Variants in ZBBX observed in about 807,000 individuals in gnomAD.
ZBBX encodes zinc finger B-box domain containing.
Under a neutral mutation model 108.5 loss-of-function variants are expected in ZBBX, and 101 were observed. The observed-to-expected ratio is 0.93, with a 90% CI of 0.79 to 1.10. The LOEUF (loss-of-function observed/expected upper bound fraction) is 1.10, where lower values mean the gene tolerates loss of function less well. ZBBX is among the 50% of genes least tolerant of loss of function. The pLI is 0.00. For missense variants in ZBBX, 1,009 were observed against 941.4 expected, an observed-to-expected ratio of 1.07 and a Z score of -0.94; for synonymous variants, 356 against 323.4, an observed-to-expected ratio of 1.10 and a Z score of -1.08.
intron 1 of ZBBX, chr3:167,401,258 T>C (rs1302402674): frequency 2.0e-5 from 3 of 152,148 alleles, no homozygotes; most frequent in South Asian, 2.1e-4. Context: ...GAAATGAGTA[T>C]CAAAAAACGT....
At chr3:167,290,084 A>G (rs1004280271) in intron 18 of ZBBX, among the ~76,000 whole-genome samples, 1 of 152,188 alleles carries the variant, frequency 6.6e-6, no homozygotes, top group Non-Finnish European at 1.5e-5. Flanking sequence ...AGACTTATAG[A>G]TAAAACCTCT....
intron 8 of ZBBX, among the ~76,000 whole-genome samples, chr3:167,351,918 G>A (rs1742724624): frequency 6.6e-6 from 1 of 152,122 alleles, no homozygotes; most frequent in Non-Finnish European, 1.5e-5. Flanking sequence ...TTCCATTAGA[G>A]AATGTTCTGC....
chr3:167,201,803 T>C, the ZBBX span, among the ~76,000 whole-genome samples: 2 of 152,130 alleles, frequency 1.3e-5, no homozygotes, highest in African/African-American at 4.8e-5. Flanking sequence ...TGTGAACGTA[T>C]ACAGATACAT....
At chr3:167,188,493 G>A in the ZBBX span, among the ~76,000 whole-genome samples, 1 of 151,686 alleles carries the variant, frequency 6.6e-6, no homozygotes, top group African/African-American at 2.4e-5. Context: ...AATCTTAAAG[G>A]ATAAATAAAT....
the ZBBX span, among the ~76,000 whole-genome samples, chr3:167,202,494 G>T: frequency 1.5e-5 from 2 of 135,156 alleles, no homozygotes; most frequent in Non-Finnish European, 3.2e-5. Flanking sequence ...AAAGCTATTA[G>T]ATTTAAAGAA....
At chr3:167,320,204 GAGTTCCAGAAA>G (rs930916958) in intron 12 of ZBBX, among the ~76,000 whole-genome samples, 1 of 134,842 alleles carries the variant, frequency 7.4e-6, no homozygotes, top group African/African-American at 2.8e-5. Context: ...AATGCATCTT[GAGTTCCAGAAA>G]AAAAAGAGAT....
chr3:167,393,360 T>G (rs1258395892), intron 1 of ZBBX, among the ~76,000 whole-genome samples: 5 of 151,920 alleles, frequency 3.3e-5, no homozygotes, highest in African/African-American at 1.2e-4. Context: ...CTTAACCAAT[T>G]CATGAGGCAT....
At chr3:167,405,679 T>C (rs971563291) in intron 1 of ZBBX, among the ~76,000 whole-genome samples, 15 of 152,250 alleles carry the variant, frequency 9.9e-5, no homozygotes, top group African/African-American at 3.6e-4. Flanking sequence ...CTGAAATTAG[T>C]AATTGAAGAA....
At chr3:167,322,308 T>C in intron 11 of ZBBX, 71 bp from the exon 12 acceptor site, 1 of 1,275,644 alleles carries the variant, frequency 7.8e-7, no homozygotes, top group African/African-American at 1.5e-5. Flanking sequence ...TCTCTTAAGA[T>C]GTAGAACTCA....
At chr3:167,288,461 A>AGAGCC (rs1442549965) in intron 19 of ZBBX, among the ~76,000 whole-genome samples, 6 of 152,200 alleles carry the variant, frequency 3.9e-5, no homozygotes, top group Non-Finnish European at 8.8e-5. Context: ...AACCTAAGTC[A>AGAGCC]ATCATTTCAC....
At chr3:167,274,307 C>T (rs1727085070) in intron 20 of ZBBX, among the ~76,000 whole-genome samples, 1 of 152,122 alleles carries the variant, frequency 6.6e-6, no homozygotes, top group African/African-American at 2.4e-5. Context: ...GATAGGTGTG[C>T]TTATTCTTGT....
In ZBBX at chr3:167,317,014, T is replaced by C; in HGVS notation, c.1185A>G (p.Glu395=). 2 of 1,595,192 alleles carry C rather than the reference T, an allele frequency of 1.3e-6. No homozygotes were observed. The highest frequency in any genetic ancestry group is 1.7e-6 in the Non-Finnish European group (2 of 1,166,688). Residue 395 remains glutamate, a synonymous_variant, in exon 14 of 22, where the codon GAA becomes GAG. Coordinates refer to ENST00000675490, the MANE Select transcript of ZBBX (RefSeq NM_001199201.2). The stretch of plus-strand genomic sequence containing the variant: ...GCACTTATGCACTTACATCATCCAG[T>C]TCGACTATCTTTAGAGATGGTTCAG... ...ERPEPSLKIV[E]LDDTYEEEFE...
At chr3:167,296,845 T>G (rs1008619604) in intron 18 of ZBBX, among the ~76,000 whole-genome samples, 2 of 151,958 alleles carry the variant, frequency 1.3e-5, no homozygotes, top group Non-Finnish European at 2.9e-5. Context: ...AAAAGCTCAA[T>G]GACATTTTTC....
chr3:167,217,520 T>C, the ZBBX span, among the ~76,000 whole-genome samples: 3 of 152,122 alleles, frequency 2.0e-5, no homozygotes, highest in Non-Finnish European at 2.9e-5. Flanking sequence ...AGTAGGAGTG[T>C]AAATTAGTTC....
chr3:167,357,719 A>G lies in ZBBX; in HGVS notation c.432+2151T>C, dbSNP rs182275469. On this transcript the variant is annotated intron_variant, in intron 8 of 21. Coordinates refer to ENST00000675490, the MANE Select transcript of ZBBX (RefSeq NM_001199201.2). Reference sequence around the variant, plus strand: ...ATAAATCATGCTGCTATAAAGACACATGCACACGTATGTTTATTGCGGCAC... The same window carrying G: ...ATAAATCATGCTGCTATAAAGACACGTGCACACGTATGTTTATTGCGGCAC... 3.7e-3 allele frequency among the ~76,000 whole-genome samples: 558 copies of G among 152,306 alleles called. 1 individual carries two copies. The highest frequency in any genetic ancestry group is 0.013 in the African/African-American group (526 of 41,574).
intron 9 of ZBBX, among the ~76,000 whole-genome samples, chr3:167,337,893 A>G (rs1034892184): frequency 3.9e-4 from 60 of 152,322 alleles, no homozygotes; most frequent in African/African-American, 1.4e-3. Flanking sequence ...AATATTTTCA[A>G]ATGTTAAAAC....
chr3:167,270,298 A>T lies in ZBBX; in HGVS notation c.2254+11940T>A, dbSNP rs1726299731. 2.0e-5 allele frequency among the ~76,000 whole-genome samples: 3 copies of T among 152,188 alleles called. No homozygotes were observed. In the South Asian group the frequency reaches 6.2e-4, roughly 31 times the overall value. On this transcript the variant is annotated intron_variant, in intron 20 of 21. Transcript: ENST00000675490. Reference sequence around the variant, plus strand: ...TTACCCTTGCCTCAAACTAAGCATGAGCTCAGAAAATTTCTAGGATTAGTT... The same window carrying T: ...TTACCCTTGCCTCAAACTAAGCATGTGCTCAGAAAATTTCTAGGATTAGTT...
At chr3:167,288,573 T>A (rs746376528) in intron 19 of ZBBX, among the ~76,000 whole-genome samples, 1 of 152,224 alleles carries the variant, frequency 6.6e-6, no homozygotes, top group Non-Finnish European at 1.5e-5. Context: ...ATGTATTTTA[T>A]AAGGATTGTT....
intron 20 of ZBBX, among the ~76,000 whole-genome samples, chr3:167,248,026 T>C (rs546585585): frequency 4.6e-5 from 7 of 152,312 alleles, no homozygotes; most frequent in African/African-American, 1.4e-4. Flanking sequence ...ATGGCAATGT[T>C]ACTAAGTAAA....
Sources: gnomAD v4.1 joint callset for allele counts (sites outside exome capture counted in the v4.1 genomes callset) on GRCh38, gnomAD v4.1.1 for gene constraint, MANE v1.5 for transcripts, NCBI Gene and HGNC (gene_info 2026-07-23, HGNC 2026-07-21) for gene names.